DNAH2: variants seen among roughly 807,000 people sequenced by gnomAD.
The protein encoded by DNAH2 is dynein axonemal heavy chain 2.
In DNAH2, 323 loss-of-function variants were observed where a neutral mutation model predicts 523.5. That is an observed-to-expected ratio of 0.62 (90% CI 0.56 to 0.68). The LOEUF (loss-of-function observed/expected upper bound fraction) is 0.68, where lower values mean the gene tolerates loss of function less well. Ranked by LOEUF, DNAH2 falls within the 30% of genes least tolerant of loss-of-function variation. The probability of loss-of-function intolerance (pLI) is 0.00; values close to 1 mark genes in which losing one functional copy is unlikely to be tolerated. For missense variants in DNAH2, 4,907 were observed against 5,701.5 expected (o/e 0.86, Z 4.49); for synonymous variants, 2,093 against 2,177.4 (o/e 0.96, Z 1.08).
At chr17:7,730,161 T>C (rs548360996) in intron 4 of DNAH2, among the ~76,000 whole-genome samples, 2 of 132,684 alleles carry the variant, frequency 1.5e-5, no homozygotes, top group Admixed American at 1.5e-4. Context: ...AGCCCTGAAA[T>C]GATAAAATGT....
At chr17:7,795,716 G>C (rs909381821) in intron 49 of DNAH2, among the ~76,000 whole-genome samples, 3 of 146,510 alleles carry the variant, frequency 2.0e-5, no homozygotes, top group Non-Finnish European at 3.0e-5. Flanking sequence ...TAGTGTTAAG[G>C]CTGGGCGCAG....
chr17:7,737,177 G>A lies in DNAH2; in HGVS notation c.1089G>A (p.Lys363=), dbSNP rs780208527. The change falls in exon 8 of 86, where the codon AAG becomes AAA. Residue 363 remains lysine (K), a synonymous_variant. Transcript: ENST00000572933. The stretch of plus-strand genomic sequence containing the variant: ...AGGACATCTCTAGCAAGCTCCCTAA[G>A]CTGATCAGTCTCATCCGCATCATCT... ...KPKDISSKLP[K]LISLIRIIWV... is the part of the protein sequence containing the mutation. 6.2e-7 allele frequency: 1 copy of A among 1,614,124 alleles called. No individual in the cohort carries two copies. Among genetic ancestry groups the A allele is most frequent in the South Asian group, 1.1e-5 (1 of 91,084 alleles).
intron 7 of DNAH2, among the ~76,000 whole-genome samples, chr17:7,736,642 G>A (rs76800815): frequency 0.015 from 2,317 of 152,264 alleles, 62 homozygotes; most frequent in African/African-American, 0.051. Context: ...GCTGATGGGA[G>A]GGATTCCTCT....
At chr17:7,765,690 G>A in intron 21 of DNAH2, 125 bp downstream of exon 21, 2 of 1,093,386 alleles carry the variant, frequency 1.8e-6, no homozygotes, top group Non-Finnish European at 2.6e-6. Context: ...GGTGGGGGAA[G>A]AGCCTCCACT....
chr17:7,797,638 A>G (rs1441155131), intron 52 of DNAH2, 42 bp from the exon 53 acceptor site: 14 of 1,613,776 alleles, frequency 8.7e-6, no homozygotes, highest in Non-Finnish European at 1.1e-5. Context: ...GGGGAGGCAA[A>G]CCAGGCATTT....
In DNAH2 at chr17:7,733,194, G is replaced by A. The variant is rs201980957; in HGVS notation, c.507G>A (p.Pro169=). 1.1e-5 allele frequency: 18 copies of A among 1,614,164 alleles called. No individual in the cohort carries two copies. Among genetic ancestry groups the A allele is most frequent in the East Asian group, 2.2e-5 (1 of 44,882 alleles). The part of the protein sequence containing the change: ...QFGTVRGPYI[P]ALLRLLGGVF... ...GGACGGTGCGGGGCCCCTATATCCC[G>A]GCCCTGCTTCGGCTGCTCGGTGGAG... Residue 169 remains proline (P), a synonymous_variant, in exon 5 of 86, where the codon CCG becomes CCA. Transcript: ENST00000572933.
intron 39 of DNAH2, among the ~76,000 whole-genome samples, chr17:7,781,417 A>G (rs1366512759): frequency 6.6e-6 from 1 of 152,146 alleles, no homozygotes; most frequent in Non-Finnish European, 1.5e-5. Flanking sequence ...GATTGAGGCT[A>G]TAATGAGCTG....
Position 7,786,446 on chromosome 17 carries a change from C to T in DNAH2, c.6348+104C>T. 6.7e-7 allele frequency: 1 copy of T among 1,482,162 alleles called. No homozygotes were observed. Among genetic ancestry groups the T allele is most frequent in the Non-Finnish European group, 9.2e-7 (1 of 1,086,180 alleles). 91.8% of individuals were successfully genotyped at this position (1,482,162 alleles called of 1,614,324 possible). ...ACCTTGCAAGGCCGGGAGAGCTGTA[C>T]CTGGGACCATGGTGGCCTGGAGCGA... On this transcript the variant is annotated intron_variant, in intron 40 of 85. Transcript: ENST00000572933. The surrounding 1 kb of genome is among the most constrained non-coding windows in gnomAD (Gnocchi z 7.5).
Position 7,798,509 on chromosome 17 carries a change from A to T in DNAH2, c.8399-49A>T, listed in dbSNP as rs577960362. On this transcript the variant is annotated intron_variant, in intron 54 of 85. Transcript: ENST00000572933. The surrounding 1 kb of genome is among the most constrained non-coding windows in gnomAD (Gnocchi z 5.5). ...AAATCTCAGAAAAGGAATCAAGCCC[A>T]GGATGGGGAATCTGCAGTGAGTTTG... is the stretch of plus-strand genomic sequence containing the variant. 1.9e-6 allele frequency: 3 copies of T among 1,607,380 alleles called. No individual in the cohort carries two copies. Among genetic ancestry groups the T allele is most frequent in the Non-Finnish European group, 2.5e-6 (3 of 1,176,750 alleles).
chr17:7,725,442 T>TATATATATATATATATA (rs1567600861), intron 3 of DNAH2, among the ~76,000 whole-genome samples: 2 of 55,166 alleles, frequency 3.6e-5, no homozygotes, highest in Non-Finnish European at 9.2e-5. Context: ...ATATATATAT[T>TATATATATATATATATA]TTCTTTTTGA....
At chr17:7,765,683 G>T (rs1043736101) in intron 21 of DNAH2, 118 bp downstream of exon 21, 17 of 1,197,358 alleles carry the variant, frequency 1.4e-5, no homozygotes, top group Admixed American at 5.0e-5. Flanking sequence ...GTGCTGGGGT[G>T]GGGGAAGAGC....
In DNAH2 at chr17:7,760,401, A is replaced by G. The variant is rs1597565605; in HGVS notation, c.2786-339A>G. On this transcript the variant is annotated intron_variant, in intron 17 of 85. Coordinates refer to ENST00000572933, the MANE Select transcript of DNAH2 (RefSeq NM_020877.5). This position sits in a 1 kb window ranked among gnomAD's most constrained non-coding sequence, Gnocchi z 4.0. The stretch of plus-strand genomic sequence containing the variant: ...ACAGGGGGGCCAGACTGGGGAAGGG[A>G]GCAGGGGCTTGGATGGGGGTTGAGA... 6.9e-6 allele frequency among the ~76,000 whole-genome samples: 1 copy of G among 145,860 alleles called. No homozygotes were observed. Among genetic ancestry groups the G allele is most frequent in the Non-Finnish European group, 1.5e-5 (1 of 66,858 alleles).
chr17:7,797,366 A>G (rs775872408), intron 51 of DNAH2, 34 bp from the exon 52 acceptor site: 1 of 1,613,680 alleles, frequency 6.2e-7, no homozygotes, highest in Admixed American at 1.7e-5. Context: ...TCTCCTCTTT[A>G]TTCCCCGATC....
Position 7,743,096 on chromosome 17 carries a change from C to A in DNAH2, c.1858C>A (p.Arg620=). 1 of 1,560,254 alleles carries A rather than the reference C, an allele frequency of 6.4e-7. No individual in the cohort carries two copies. Among genetic ancestry groups the A allele is most frequent in the South Asian group, 1.2e-5 (1 of 80,156 alleles). Residue 620 remains arginine (R), a synonymous_variant, in exon 12 of 86, where the codon CGA becomes AGA. Transcript: ENST00000572933. ...TCGGCGGTTGGATACCCCATTGCTG[C>A]GAATCAGCCAGGAGAAGGCGGGCAT... ...CIRRLDTPLL[R]ISQEKAGMLD...
Position 7,754,746 on chromosome 17 carries a change from CCCAAGG to C in DNAH2, c.1905-2332_1905-2327del, listed in dbSNP as rs138655326. On this transcript the variant is annotated intron_variant, in intron 12 of 85. Coordinates refer to ENST00000572933, the MANE Select transcript of DNAH2 (RefSeq NM_020877.5). The surrounding 1 kb of genome is among the most constrained non-coding windows in gnomAD (Gnocchi z 4.6). The stretch of plus-strand genomic sequence containing the variant: ...GGCCAAGGGGCTCAGGCTGTGCCGG[CCCAAGG>C]CCAAGGCCAAGGATCAAACCAAGGC... 1.1e-3 allele frequency: 1,125 copies of C among 1,038,682 alleles called. 5 individuals are homozygous for C. The African/African-American group carries it at 0.016, about 15-fold the overall frequency. The allele number at this position is 1,038,682 out of a possible 1,614,324, so 64.3% of individuals were successfully genotyped here.
chr17:7,746,935 C>T (rs2075533799), intron 12 of DNAH2, among the ~76,000 whole-genome samples: 2 of 150,334 alleles, frequency 1.3e-5, no homozygotes, highest in East Asian at 1.9e-4. Flanking sequence ...TGCAGTGAGC[C>T]GAGAATGCGC....
intron 73 of DNAH2, 72 bp from the exon 74 acceptor site, chr17:7,823,370 A>AGAGG (rs770578578): frequency 6.9e-7 from 1 of 1,445,530 alleles, no homozygotes; most frequent in Non-Finnish European, 9.5e-7. Flanking sequence ...AGAGAGAGAG[A>AGAGG]GGAGAAAAAG....
Position 7,805,042 on chromosome 17 carries a change from GA to G in DNAH2, c.9269del (p.Glu3090GlyfsTer16). Reference sequence around the variant, plus strand: ...TGACAATGCCCAGAAAGATCTAGAAGAGGCACTGCCCGCCCTGGAAGAGGCC... The same window carrying G: ...TGACAATGCCCAGAAAGATCTAGAAGGGCACTGCCCGCCCTGGAAGAGGCC... ...LADNAQKDLEEALPALEEAMR... is the reference protein window; with the variant it reads ...LADNAQKDLEXALPALEEAMR... On this transcript the variant is annotated frameshift_variant, in exon 60 of 86. Coordinates refer to ENST00000572933, the MANE Select transcript of DNAH2 (RefSeq NM_020877.5). LOFTEE classifies it high-confidence loss of function. 1 of 1,614,108 alleles carries G rather than the reference GA, an allele frequency of 6.2e-7. No homozygotes were observed. Among genetic ancestry groups the G allele is most frequent in the Middle Eastern group, 1.6e-4 (1 of 6,062 alleles).
intron 4 of DNAH2, 85 bp from the exon 5 acceptor site, chr17:7,733,002 T>G: frequency 6.5e-6 from 9 of 1,386,286 alleles, no homozygotes; most frequent in Non-Finnish European, 6.0e-6. Context: ...CTGAGGGACG[T>G]GAGAAAGAAC....
Sources: gnomAD v4.1 joint callset for allele counts (sites outside exome capture counted in the v4.1 genomes callset) on GRCh38, gnomAD v4.1.1 for gene constraint, Gnocchi (gnomAD v3.1) non-coding constraint, MANE v1.5 for transcripts, NCBI Gene and HGNC (gene_info 2026-07-23, HGNC 2026-07-21) for gene names.